ATG4C: variants seen among roughly 807,000 people sequenced by gnomAD.
ATG4C encodes the protein cysteine protease ATG4C.
A neutral mutation model predicts 57.6 loss-of-function variants in ATG4C; 56 were observed. The ratio of observed to expected loss-of-function variants is 0.97; its 90% confidence interval spans 0.78 to 1.21. The LOEUF (loss-of-function observed/expected upper bound fraction) is 1.21. Ranked by LOEUF, ATG4C falls within the 50% of genes most tolerant of loss-of-function variation. The probability of loss-of-function intolerance (pLI) is 0.00; values close to 1 mark genes in which losing one functional copy is unlikely to be tolerated. For missense variants in ATG4C, 595 were observed against 529.8 expected (o/e 1.12, Z -1.21); for synonymous variants, 157 against 174.1 (o/e 0.90, Z 0.78).
At position 62,838,798 on chromosome 1, in the gene ATG4C, T is replaced by A. The variant is rs539915695; in HGVS notation, c.1090-2630T>A. On this transcript the variant is annotated intron_variant, in intron 9 of 10. Transcript: ENST00000317868. ...TTCATCTCAAAAAAAAAAAAAAAAG[T>A]TTAAATGATATAAAATGCCTCTCTG... 1.4e-4 allele frequency among the ~76,000 whole-genome samples: 21 copies of A among 150,834 alleles called. No individual in the cohort carries two copies. The South Asian group carries it at 4.4e-3, about 32-fold the overall frequency.
chr1:62,802,459 A>C (rs1226666784), intron 1 of ATG4C, among the ~76,000 whole-genome samples: 1 of 145,624 alleles, frequency 6.9e-6, no homozygotes, highest in Non-Finnish European at 1.5e-5. Flanking sequence ...TACATAATGC[A>C]AATATTAAAA....
intron 3 of ATG4C, among the ~76,000 whole-genome samples, chr1:62,808,217 T>C (rs1245404234): frequency 6.6e-6 from 1 of 152,214 alleles, no homozygotes; most frequent in Non-Finnish European, 1.5e-5. Context: ...GGATTTGAGA[T>C]ATTTTAAGGT....
At chr1:62,856,717 T>C (rs192978172) in intron 10 of ATG4C, among the ~76,000 whole-genome samples, 200 of 152,310 alleles carry the variant, frequency 1.3e-3, no homozygotes, top group African/African-American at 4.5e-3. Flanking sequence ...TAGAGTGAGA[T>C]AGTTGTCAGT....
chr1:62,805,358 T>A (rs1441484309), intron 3 of ATG4C, 103 bp downstream of exon 3: 1 of 1,329,006 alleles, frequency 7.5e-7, no homozygotes, highest in African/African-American at 1.6e-5. Flanking sequence ...AGTATTTCTT[T>A]TAAGTATTTG....
intron 6 of ATG4C, among the ~76,000 whole-genome samples, chr1:62,826,610 T>A (rs907697307): frequency 8.7e-5 from 13 of 148,664 alleles, no homozygotes; most frequent in East Asian, 3.9e-4. Context: ...TTTTTTTTTT[T>A]AATTTAAGTT....
chr1:62,840,316 C>T (rs1305984017), intron 9 of ATG4C, among the ~76,000 whole-genome samples: 6 of 152,154 alleles, frequency 3.9e-5, no homozygotes, highest in Admixed American at 3.9e-4. Flanking sequence ...CCACAGCACC[C>T]AGCTCCTAGA....
In ATG4C at chr1:62,863,929, T is replaced by C. The variant is rs921493426; in HGVS notation, c.1210-63T>C. On this transcript the variant is annotated intron_variant, in intron 10 of 10. Coordinates refer to ENST00000317868, the MANE Select transcript of ATG4C (RefSeq NM_032852.4). Reference sequence around the variant, plus strand: ...GTTCAGGGCTAAAACAGTAGATTTGTCGTGTGGTCTTAGTGTGCACTATTG... The same window carrying C: ...GTTCAGGGCTAAAACAGTAGATTTGCCGTGTGGTCTTAGTGTGCACTATTG... The C allele has an allele frequency of 1.0e-5, 12 of 1,166,856 alleles. No homozygotes were observed. The African/African-American group carries it at 1.3e-4, about 12-fold the overall frequency. The allele number at this position is 1,166,856 out of a possible 1,614,324, so 72.3% of individuals were successfully genotyped here. A position where few individuals can be genotyped will look rare whatever the true frequency, so the allele number is the denominator to read the frequency against.
chr1:62,798,391 C>T (rs889737250), intron 1 of ATG4C, among the ~76,000 whole-genome samples: 1 of 152,028 alleles, frequency 6.6e-6, no homozygotes, highest in East Asian at 1.9e-4. Flanking sequence ...TATATTTGTG[C>T]TCTCCATTAT....
At chr1:62,834,735 G>A in intron 8 of ATG4C, 41 bp from the exon 9 acceptor site, 1 of 1,492,076 alleles carries the variant, frequency 6.7e-7, no homozygotes. Context: ...GTAATAATAA[G>A]GTGTTTTTTG....
chr1:62,852,069 T>TATTC lies in ATG4C; in HGVS notation c.1209+10543_1209+10546dup, dbSNP rs543217655. Among the ~76,000 whole-genome samples, 150 of 152,344 alleles carry TATTC rather than the reference T, an allele frequency of 9.8e-4. 1 individual carries two copies. The highest frequency in any genetic ancestry group is 4.8e-3 in the East Asian group (25 of 5,190). ...CACATTTTTATTTGGCAATAATTTG[T>TATTC]ATTCATTCATTCATTCATTCATTCG... On this transcript the variant is annotated intron_variant, in intron 10 of 10. Coordinates refer to ENST00000317868, the MANE Select transcript of ATG4C (RefSeq NM_032852.4).
chr1:62,864,037 G>A lies in ATG4C; in HGVS notation c.1255G>A (p.Val419Ile). 6.3e-7 allele frequency: 1 copy of A among 1,586,828 alleles called. No individual in the cohort carries two copies. Among genetic ancestry groups the A allele is most frequent in the South Asian group, 1.2e-5 (1 of 86,016 alleles). The part of the protein sequence containing the change: ...SKEKYPLFTF[V>I]NGHSRDYDFT... ...GGAGAAATATCCCTTATTTACTTTT[G>A]TAAATGGTCATTCCAGAGACTATGA... Residue 419 changes from valine to isoleucine, a missense_variant, in exon 11 of 11, where the codon GTA becomes ATA. Coordinates refer to ENST00000317868, the MANE Select transcript of ATG4C (RefSeq NM_032852.4).
At chr1:62,843,681 G>A (rs61765937) in intron 10 of ATG4C, among the ~76,000 whole-genome samples, 6,197 of 152,174 alleles carry the variant, frequency 0.041, 171 homozygotes, top group East Asian at 0.11. Flanking sequence ...AATAAAAATT[G>A]TTAAACCAAT....
At chr1:62,838,777 T>C (rs1325508227) in intron 9 of ATG4C, among the ~76,000 whole-genome samples, 1 of 146,736 alleles carries the variant, frequency 6.8e-6, no homozygotes, top group African/African-American at 2.5e-5. Context: ...TGAAACTTCA[T>C]CTCAAAAAAA....
intron 1 of ATG4C, among the ~76,000 whole-genome samples, chr1:62,784,832 C>T (rs1310251212): frequency 6.6e-6 from 1 of 152,088 alleles, no homozygotes; most frequent in Non-Finnish European, 1.5e-5. Flanking sequence ...GTGAACTCTC[C>T]CAACCCTACC....
chr1:62,830,660 G>C (rs1665812549), intron 7 of ATG4C, among the ~76,000 whole-genome samples: 1 of 151,938 alleles, frequency 6.6e-6, no homozygotes, highest in Non-Finnish European at 1.5e-5. Flanking sequence ...AAGGAAATTT[G>C]ATGTGTGTTT....
In ATG4C at chr1:62,829,194, A is replaced by G. The variant is rs1327313651; in HGVS notation, c.933+18A>G. 8 of 1,610,800 alleles carry G rather than the reference A, an allele frequency of 5.0e-6. No individual in the cohort carries two copies. Among genetic ancestry groups the G allele is most frequent in the Non-Finnish European group, 6.8e-6 (8 of 1,178,424 alleles). On this transcript the variant is annotated intron_variant, in intron 7 of 10. Transcript: ENST00000317868. ...TTGTGAAGGTATGAAATAAGTGCTG[A>G]ACTTTTTTAGGGCAATACTAGCTAA...
intron 2 of ATG4C, 119 bp from the exon 3 acceptor site, chr1:62,805,053 G>GC: frequency 1.5e-6 from 2 of 1,352,074 alleles, no homozygotes; most frequent in Non-Finnish European, 1.9e-6. Context: ...TGCCAAAAAT[G>GC]CACATCCATA....
intron 10 of ATG4C, among the ~76,000 whole-genome samples, chr1:62,850,909 CAT>C (rs1292356152): frequency 5.5e-5 from 7 of 126,330 alleles, no homozygotes; most frequent in African/African-American, 1.1e-4. Flanking sequence ...TATACATACA[CAT>C]ACACACACAT....
intron 5 of ATG4C, among the ~76,000 whole-genome samples, chr1:62,819,707 A>G (rs775808237): frequency 7.9e-4 from 120 of 151,958 alleles, no homozygotes; most frequent in Non-Finnish European, 5.3e-4. Flanking sequence ...ATGTACTGAT[A>G]GTGTAATGAA....
Sources: gnomAD v4.1 joint callset for allele counts (sites outside exome capture counted in the v4.1 genomes callset) on GRCh38, gnomAD v4.1.1 for gene constraint, MANE v1.5 for transcripts, NCBI Gene and HGNC (gene_info 2026-07-23, HGNC 2026-07-21) for gene names.